The following GYPC variants were observed in gnomAD, a reference collection of about 807,000 sequenced individuals.
The protein encoded by GYPC is glycophorin-C.
GYPC carries 14 observed loss-of-function variants against 12.6 expected under a neutral mutation model. That is an observed-to-expected ratio of 1.11 (90% CI 0.74 to 1.74). The LOEUF is 1.74. GYPC is among the 40% of genes most tolerant of loss of function. The pLI, the probability that GYPC is intolerant of heterozygous loss-of-function variation, is 0.00. For synonymous variants in GYPC, 78 were observed against 62.1 expected (o/e 1.26, Z -1.20); for missense variants, 225 against 172.1 (o/e 1.31, Z -1.72).
At chr2:126,663,816 G>C (rs976562421) in intron 1 of GYPC, among the ~76,000 whole-genome samples, 25 of 152,294 alleles carry the variant, frequency 1.6e-4, no homozygotes, top group African/African-American at 6.0e-4. Flanking sequence ...GTGTGAAGCC[G>C]GGGGCCTCCT....
intron 1 of GYPC, among the ~76,000 whole-genome samples, chr2:126,672,405 A>G (rs1241392691): frequency 6.6e-6 from 1 of 152,158 alleles, no homozygotes; most frequent in African/African-American, 2.4e-5. Context: ...ATTCACCTGC[A>G]CACACACAAA....
At chr2:126,687,525 C>T (rs755515) in intron 1 of GYPC, among the ~76,000 whole-genome samples, 94,903 of 152,128 alleles carry the variant, frequency 0.62, 30,302 homozygotes, top group African/African-American at 0.76. Context: ...TCTGATCTAT[C>T]AATATAGGGC....
At chr2:126,659,326 G>C (rs760889584) in intron 1 of GYPC, among the ~76,000 whole-genome samples, 8 of 152,216 alleles carry the variant, frequency 5.3e-5, no homozygotes, top group Non-Finnish European at 8.8e-5. Flanking sequence ...TGCCCCAGAA[G>C]TGAAAGGACA....
At chr2:126,668,246 A>G (rs1437757969) in intron 1 of GYPC, among the ~76,000 whole-genome samples, 1 of 152,236 alleles carries the variant, frequency 6.6e-6, no homozygotes, top group Non-Finnish European at 1.5e-5. Context: ...TTCTTAGATG[A>G]AGTCTAGAAA....
Position 126,676,864 on chromosome 2 carries a change from TTC to T in GYPC, c.50-13390_50-13389del, listed in dbSNP as rs1281443523. ...AGGGCAGGTGGCTTTCTGGCTCTGT[TTC>T]AGAAGCAAAATGAAATTGAATTGGT... On this transcript the variant is annotated intron_variant, in intron 1 of 3. Transcript: ENST00000259254. Among the ~76,000 whole-genome samples the T allele has an allele frequency of 4.6e-5, 7 of 152,300 alleles. No homozygotes were observed. In the South Asian group the frequency reaches 1.2e-3, roughly 27 times the overall value.
chr2:126,660,720 A>G (rs142564007), intron 1 of GYPC, among the ~76,000 whole-genome samples: 3 of 152,288 alleles, frequency 2.0e-5, no homozygotes, highest in East Asian at 3.9e-4. Flanking sequence ...CAATACCAAA[A>G]GAGCCTTTAA....
chr2:126,658,867 T>C (rs1428783603), intron 1 of GYPC: 3 of 152,248 alleles, frequency 2.0e-5, no homozygotes, highest in Non-Finnish European at 2.9e-5. Context: ...ATTTAGGCTG[T>C]ATGCAGACTT....
intron 1 of GYPC, among the ~76,000 whole-genome samples, chr2:126,685,615 C>T (rs906530580): frequency 6.6e-6 from 1 of 152,142 alleles, no homozygotes; most frequent in Non-Finnish European, 1.5e-5. Context: ...GAACTCCTGA[C>T]CTCAGGTGTT....
intron 1 of GYPC, among the ~76,000 whole-genome samples, chr2:126,670,708 A>T (rs1195140967): frequency 6.6e-6 from 1 of 152,074 alleles, no homozygotes; most frequent in Non-Finnish European, 1.5e-5. Flanking sequence ...CGGGGCACAC[A>T]CTCAGTAAAT....
chr2:126,667,434 G>A (rs1241638811), intron 1 of GYPC, among the ~76,000 whole-genome samples: 8 of 143,486 alleles, frequency 5.6e-5, no homozygotes, highest in Non-Finnish European at 1.2e-4. Flanking sequence ...ATGGAGTCTC[G>A]CTCTTGTTGC....
intron 1 of GYPC, among the ~76,000 whole-genome samples, chr2:126,672,825 G>A (rs28387132): frequency 0.032 from 4,847 of 152,172 alleles, 116 homozygotes; most frequent in Non-Finnish European, 0.047. Flanking sequence ...ACCACACTCA[G>A]CCCCACCCAC....
chr2:126,681,689 G>A lies in GYPC; in HGVS notation c.50-8566G>A, dbSNP rs1450960354. Reference sequence around the variant, plus strand: ...AATGGGGCTACACTGTTGTGCCACCGGGTTTTACATGTGAAGAAACCATGG... The same window carrying A: ...AATGGGGCTACACTGTTGTGCCACCAGGTTTTACATGTGAAGAAACCATGG... On this transcript the variant is annotated intron_variant, in intron 1 of 3. Transcript: ENST00000259254. 4.0e-5 allele frequency among the ~76,000 whole-genome samples: 6 copies of A among 151,688 alleles called. No homozygotes were observed. In the South Asian group the frequency reaches 8.3e-4, roughly 21 times the overall value.
At chr2:126,686,400 A>G in intron 1 of GYPC, 1 of 985,724 alleles carries the variant, frequency 1.0e-6, no homozygotes, top group Non-Finnish European at 1.2e-6. Flanking sequence ...GAGAATGGAC[A>G]GCTGACATCC....
intron 1 of GYPC, among the ~76,000 whole-genome samples, chr2:126,681,139 A>G (rs1026459831): frequency 1.3e-5 from 2 of 151,764 alleles, no homozygotes; most frequent in Admixed American, 6.6e-5. Flanking sequence ...ACCACTCCTA[A>G]CCCGTCTACT....
intron 1 of GYPC, among the ~76,000 whole-genome samples, chr2:126,675,183 C>T (rs1217909334): frequency 6.6e-6 from 1 of 152,292 alleles, no homozygotes; most frequent in East Asian, 1.9e-4. Context: ...TCAGAAACAT[C>T]CTCCAAGGGG....
At chr2:126,675,312 T>A (rs1348976098) in intron 1 of GYPC, among the ~76,000 whole-genome samples, 1 of 152,238 alleles carries the variant, frequency 6.6e-6, no homozygotes, top group Non-Finnish European at 1.5e-5. Context: ...TTTAATACTT[T>A]ACTGTAATTG....
chr2:126,694,016 A>G (rs535561614), intron 3 of GYPC, 69 bp downstream of exon 3: 1 of 1,070,370 alleles, frequency 9.3e-7, no homozygotes, highest in Non-Finnish European at 1.5e-6. Flanking sequence ...TCCAGGGGAG[A>G]ACTGACCTAA....
intron 1 of GYPC, among the ~76,000 whole-genome samples, chr2:126,667,405 C>CTTTTTTTTTTCT (rs1682713563): frequency 7.2e-6 from 1 of 138,238 alleles, no homozygotes; most frequent in Non-Finnish European, 1.6e-5. Context: ...TTTTTTTTTT[C>CTTTTTTTTTTCT]TTTTTTTTTT....
chr2:126,674,924 G>A (rs1682954577), intron 1 of GYPC, among the ~76,000 whole-genome samples: 1 of 152,184 alleles, frequency 6.6e-6, no homozygotes, highest in African/African-American at 2.4e-5. Flanking sequence ...TGCAATATTT[G>A]GGACATACTT....
Sources: allele counts gnomAD v4.1 joint callset (sites outside exome capture counted in the v4.1 genomes callset), GRCh38; gene constraint gnomAD v4.1.1; transcripts MANE v1.5; gene names NCBI Gene and HGNC (gene_info 2026-07-23, HGNC 2026-07-21).